Variants in OR13A1 observed in about 807,000 individuals in gnomAD.
OR13A1 encodes olfactory receptor 13A1.
A neutral mutation model predicts 7.5 loss-of-function variants in OR13A1; 10 were observed. The observed-to-expected ratio is 1.34, with a 90% confidence interval of 0.83 to 2.27. The LOEUF is 2.27. Among genes scored for constraint, OR13A1 ranks in the 30% most tolerant of loss-of-function variants. The pLI is 0.00. For synonymous variants in OR13A1, 238 were observed against 177.9 expected (o/e 1.34, Z -2.69); for missense variants, 509 against 419.1 (o/e 1.21, Z -1.87).
Position 45,303,041 on chromosome 10 carries a change from C to T in OR13A1, c.*395G>A, listed in dbSNP as rs1019736408. On this transcript the variant is annotated 3_prime_UTR_variant, in exon 4 of 4. Transcript: ENST00000553795. ...GGGGCTGTGGGGTCCACAATTCTGC[C>T]TAACTTTTTAGACCCACACAGCTGA... 2.4e-5 allele frequency: 4 copies of T among 166,438 alleles called. No individual in the cohort carries two copies. The highest frequency in any genetic ancestry group is 9.6e-5 in the African/African-American group (4 of 41,834). 10.3% of individuals were successfully genotyped at this position (166,438 alleles called of 1,614,324 possible).
chr10:45,311,696 G>A (rs1588945582), intron 1 of OR13A1, among the ~76,000 whole-genome samples: 1 of 152,066 alleles, frequency 6.6e-6, no homozygotes, highest in African/African-American at 2.4e-5. Flanking sequence ...TTGGAGGGTA[G>A]GAGAAGGGAG....
Position 45,315,550 on chromosome 10 carries a change from T to C in OR13A1, c.-251A>G, listed in dbSNP as rs1838507823. The stretch of plus-strand genomic sequence containing the variant: ...CTCAATGGTAAAAGATTCAAACTTT[T>C]CTTCTGGATTAGGAACAAGACAAGT... On this transcript the variant is annotated 5_prime_UTR_variant, in exon 1 of 4. Transcript: ENST00000553795. 6.6e-6 allele frequency: 1 copy of C among 152,188 alleles called. No homozygotes were observed. Among genetic ancestry groups the C allele is most frequent in the Admixed American group, 6.5e-5 (1 of 15,278 alleles). 9.4% of individuals were successfully genotyped at this position (152,188 alleles called of 1,614,324 possible).
intron 1 of OR13A1, among the ~76,000 whole-genome samples, chr10:45,313,668 C>T (rs974161748): frequency 4.0e-5 from 6 of 151,640 alleles, no homozygotes; most frequent in African/African-American, 1.5e-4. Context: ...AGTCACAAGA[C>T]AAAAAAATGG....
In OR13A1 at chr10:45,309,172, C is replaced by G. The variant is rs1277065449; in HGVS notation, c.-224-1364G>C. Among the ~76,000 whole-genome samples the G allele has an allele frequency of 2.0e-5, 3 of 152,016 alleles. No homozygotes were observed. The East Asian group carries it at 5.8e-4, about 29-fold the overall frequency. ...TCACAGAATCTGGGTCAGGGCAGAC[C>G]CAGGCTCAGGTGCTCAGAACGTGTC... On this transcript the variant is annotated intron_variant, in intron 1 of 3. Coordinates refer to ENST00000553795, the MANE Select transcript of OR13A1 (RefSeq NM_001004297.3).
intron 1 of OR13A1, among the ~76,000 whole-genome samples, chr10:45,308,475 G>T (rs1473878074): frequency 1.3e-5 from 2 of 152,150 alleles, no homozygotes; most frequent in Non-Finnish European, 2.9e-5. Flanking sequence ...TTTAAGGCTG[G>T]GGTGTGGAAT....
At position 45,303,697 on chromosome 10, in the gene OR13A1, G is replaced by T. The variant is rs1332093946; in HGVS notation, c.726C>A (p.Ser242Arg). 3.7e-6 allele frequency: 6 copies of T among 1,614,252 alleles called. No individual in the cohort carries two copies. Among genetic ancestry groups the T allele is most frequent in the African/African-American group, 2.7e-5 (2 of 75,076 alleles). Reference sequence around the variant, plus strand: ...CCCAGGCAGTCTTCACCTTCAGGATGCTGGAGACGATGAAGCCATAGGACG... The same window carrying T: ...CCCAGGCAGTCTTCACCTTCAGGATTCTGGAGACGATGAAGCCATAGGACG... ...TIASYGFIVS[S>R]ILKVKTAWGR... Residue 242 changes from serine to arginine, a missense_variant, in exon 4 of 4, where the codon AGC (serine) becomes AGA (arginine). Ser to Arg is a moderately radical substitution (Grantham distance 110). Transcript: ENST00000553795.
chr10:45,306,706 T>A (rs562232740), intron 3 of OR13A1, among the ~76,000 whole-genome samples: 2 of 152,176 alleles, frequency 1.3e-5, no homozygotes, highest in Non-Finnish European at 2.9e-5. Flanking sequence ...TAGGCAAGCA[T>A]AAAATCCCTA....
chr10:45,311,965 A>G (rs991719314), intron 1 of OR13A1, among the ~76,000 whole-genome samples: 4 of 152,228 alleles, frequency 2.6e-5, no homozygotes, highest in African/African-American at 9.6e-5. Flanking sequence ...GAAAACTACA[A>G]TGTCTGAAAT....
At chr10:45,305,223 G>A (rs1838303676) in intron 3 of OR13A1, among the ~76,000 whole-genome samples, 1 of 151,512 alleles carries the variant, frequency 6.6e-6, no homozygotes, top group Admixed American at 6.6e-5. Flanking sequence ...GACAGAGTGA[G>A]ACTGTCTCAA....
chr10:45,311,135 T>G (rs1182252986), intron 1 of OR13A1, among the ~76,000 whole-genome samples: 2 of 152,218 alleles, frequency 1.3e-5, no homozygotes, highest in East Asian at 3.9e-4. Flanking sequence ...GCTCAATTTT[T>G]CCAGGCCTAT....
chr10:45,303,843 G>A lies in OR13A1; in HGVS notation c.580C>T (p.His194Tyr), dbSNP rs1328431560. 1 of 1,612,598 alleles carries A rather than the reference G, an allele frequency of 6.2e-7. No individual in the cohort carries two copies. The highest frequency in any genetic ancestry group is 8.5e-7 in the Non-Finnish European group (1 of 1,180,032). The change falls in exon 4 of 4, where the codon CAT (histidine) becomes TAT (tyrosine). Residue 194 changes from histidine to tyrosine, a missense_variant. By Grantham distance (83) the His-to-Tyr change is moderately conservative. Coordinates refer to ENST00000553795, the MANE Select transcript of OR13A1 (RefSeq NM_001004297.3). ...LDFCGPNVII[H>Y]FFCEVPPLLL... ...AGGGGAGGGACCTCGCAGAAGAAATGGATAATGACATTGGGGCCACAGAAA... is the reference window on the plus strand; with the variant it reads ...AGGGGAGGGACCTCGCAGAAGAAATAGATAATGACATTGGGGCCACAGAAA...
intron 3 of OR13A1, 129 bp downstream of exon 3, chr10:45,307,297 G>A (rs374027551): frequency 6.6e-6 from 1 of 152,340 alleles, no homozygotes; most frequent in African/African-American, 2.4e-5. Context: ...CTCTCTCTTA[G>A]CTCCACAATG....
intron 1 of OR13A1, among the ~76,000 whole-genome samples, chr10:45,312,084 A>G (rs1012973183): frequency 3.3e-5 from 5 of 152,136 alleles, no homozygotes; most frequent in African/African-American, 1.2e-4. Flanking sequence ...TGGAAAAATA[A>G]ACATAAGAAC....
chr10:45,307,113 G>A (rs1838347189), intron 3 of OR13A1, among the ~76,000 whole-genome samples: 1 of 152,094 alleles, frequency 6.6e-6, no homozygotes, highest in Non-Finnish European at 1.5e-5. Flanking sequence ...TGAAATCATG[G>A]TGCACTCCAC....
chr10:45,303,706 G>A lies in OR13A1; in HGVS notation c.717C>T (p.Ile239=), dbSNP rs767278591. 1.4e-5 allele frequency: 23 copies of A among 1,614,118 alleles called. No individual in the cohort carries two copies. The highest frequency in any genetic ancestry group is 4.4e-5 in the South Asian group (4 of 91,088). ...FLMTIASYGF[I]VSSILKVKTA... ...TCTTCACCTTCAGGATGCTGGAGAC[G>A]ATGAAGCCATAGGACGCGATGGTCA... The change falls in exon 4 of 4, where the codon ATC becomes ATT. Residue 239 remains isoleucine, a synonymous_variant. Transcript: ENST00000553795.
At position 45,303,908 on chromosome 10, in the gene OR13A1, A is replaced by G. The variant is rs1303722575; in HGVS notation, c.515T>C (p.Val172Ala). 1 of 1,613,604 alleles carries G rather than the reference A, an allele frequency of 6.2e-7. No individual in the cohort carries two copies. Among genetic ancestry groups the G allele is most frequent in the South Asian group, 1.1e-5 (1 of 91,088 alleles). Residue 172 changes from valine (V) to alanine (A), a missense_variant, in exon 4 of 4, where the codon GTC (valine) becomes GCC (alanine). Val to Ala is a moderately conservative substitution (Grantham distance 64). Transcript: ENST00000553795. ...CAGCCCCGTGTGGATGGCCGTGTTG[A>G]CGGCGCAGAGCAGCCACACGGCTGT... ...LATAVWLLCA[V>A]NTAIHTGLML...
At chr10:45,307,630 C>G (rs10793613) in intron 2 of OR13A1, 63 bp from the exon 3 acceptor site, 2 of 152,182 alleles carry the variant, frequency 1.3e-5, no homozygotes, top group East Asian at 3.9e-4. Context: ...AATTCTCAGC[C>G]AGCATTACAA....
chr10:45,314,335 G>A (rs1462738917), intron 1 of OR13A1, among the ~76,000 whole-genome samples: 1 of 151,936 alleles, frequency 6.6e-6, no homozygotes, highest in Non-Finnish European at 1.5e-5. Flanking sequence ...GGTGGGTCAT[G>A]CCTGCAATCC....
rs116719900 is a variant in OR13A1, at chr10:45,303,659, G to T, written c.764C>A (p.Ala255Asp). Residue 255 changes from alanine to aspartate, a missense_variant, in exon 4 of 4, where the codon GCC becomes GAC. By Grantham distance (126) the Ala-to-Asp change is moderately radical (BLOSUM62 -2). Transcript: ENST00000553795. The part of the protein sequence containing the change: ...KVKTAWGRQK[A>D]FSTCSSHLTV... ...GAGGTGGGAAGAGCAGGTGGAGAAG[G>T]CTTTCTGCCTCCCCCAGGCAGTCTT... 3.1e-6 allele frequency: 5 copies of T among 1,614,054 alleles called. No homozygotes were observed. The highest frequency in any genetic ancestry group is 3.4e-6 in the Non-Finnish European group (4 of 1,180,036).
Sources: gnomAD v4.1 joint callset for allele counts (sites outside exome capture counted in the v4.1 genomes callset) on GRCh38, gnomAD v4.1.1 for gene constraint, MANE v1.5 for transcripts, NCBI Gene and HGNC (gene_info 2026-07-23, HGNC 2026-07-21) for gene names.